The following KDM2B variants were observed in gnomAD, a reference collection of about 807,000 sequenced individuals.
The protein encoded by KDM2B is lysine-specific demethylase 2B.
A neutral mutation model predicts 150.0 loss-of-function variants in KDM2B; 26 were observed. The observed-to-expected ratio is 0.17, with a 90% CI of 0.13 to 0.24. The LOEUF (loss-of-function observed/expected upper bound fraction) is 0.24, where lower values mean the gene tolerates loss of function less well. KDM2B is among the 10% of genes least tolerant of loss of function. KDM2B has a pLI of 1.00. For missense variants in KDM2B, 1,265 were observed against 1,816.9 expected, an observed-to-expected ratio of 0.70 and a Z score of 5.52; for synonymous variants, 734 against 729.5, an observed-to-expected ratio of 1.01 and a Z score of -0.10.
intron 4 of KDM2B, among the ~76,000 whole-genome samples, chr12:121,556,495 A>G (rs1889910975): frequency 6.6e-6 from 1 of 152,146 alleles, no homozygotes; most frequent in African/African-American, 2.4e-5. Flanking sequence ...CCAGAAGCAG[A>G]TGCTGGCTCC....
At chr12:121,443,888 G>C in intron 16 of KDM2B, 95 bp from the exon 17 acceptor site, 1 of 1,416,296 alleles carries the variant, frequency 7.1e-7, no homozygotes, top group Non-Finnish European at 9.6e-7. Flanking sequence ...CCTGCTCAGG[G>C]CAGCAAGAGG....
At chr12:121,474,333 GA>G (rs1299366052) in intron 12 of KDM2B, among the ~76,000 whole-genome samples, 13 of 151,952 alleles carry the variant, frequency 8.6e-5, no homozygotes, top group East Asian at 1.9e-4. Context: ...TGAACACTGT[GA>G]AAACCCCGTC....
chr12:121,574,454 G>A (rs1297885372), intron 4 of KDM2B, 93 bp downstream of exon 4: 17 of 1,187,076 alleles, frequency 1.4e-5, no homozygotes, highest in Non-Finnish European at 2.0e-5. Flanking sequence ...TGTTTTGAGA[G>A]GCAGTTAAAA....
intron 12 of KDM2B, among the ~76,000 whole-genome samples, chr12:121,488,529 G>A (rs1273249366): frequency 6.6e-6 from 1 of 152,220 alleles, no homozygotes; most frequent in African/African-American, 2.4e-5. Flanking sequence ...GTGAAGGAAG[G>A]AGTCCACCCA....
chr12:121,532,542 C>T (rs2141505603), intron 8 of KDM2B, among the ~76,000 whole-genome samples: 1 of 152,344 alleles, frequency 6.6e-6, no homozygotes, highest in Admixed American at 6.5e-5. Flanking sequence ...CACAGGAAGT[C>T]CTGCACAGGG....
chr12:121,439,648 G>A (rs1555287635), intron 22 of KDM2B, among the ~76,000 whole-genome samples: 1 of 152,144 alleles, frequency 6.6e-6, no homozygotes, highest in African/African-American at 2.4e-5. Context: ...CCAACGTGCT[G>A]GGATTACGGG....
chr12:121,471,785 T>C (rs1430856331), intron 12 of KDM2B, among the ~76,000 whole-genome samples: 2 of 152,086 alleles, frequency 1.3e-5, no homozygotes, highest in African/African-American at 4.8e-5. Context: ...CCTTTTAATG[T>C]TGAGACCAAT....
At chr12:121,450,352 T>A (rs115196541) in intron 13 of KDM2B, among the ~76,000 whole-genome samples, 5,049 of 149,210 alleles carry the variant, frequency 0.034, 268 homozygotes, top group African/African-American at 0.11. Context: ...AAGAAAAAAG[T>A]AAATCAGTTT....
chr12:121,562,520 T>C (rs1890418205), intron 4 of KDM2B, among the ~76,000 whole-genome samples: 1 of 152,006 alleles, frequency 6.6e-6, no homozygotes, highest in South Asian at 2.1e-4. Flanking sequence ...CCAGCTTTGA[T>C]TTCCAAGGGG....
chr12:121,474,889 C>T (rs1244323747), intron 12 of KDM2B, among the ~76,000 whole-genome samples: 1 of 152,128 alleles, frequency 6.6e-6, no homozygotes, highest in East Asian at 1.9e-4. Context: ...GAGTTTGAGG[C>T]TGCATTGAGC....
intron 4 of KDM2B, among the ~76,000 whole-genome samples, chr12:121,558,718 G>C (rs1344281870): frequency 1.3e-5 from 2 of 152,060 alleles, no homozygotes; most frequent in Non-Finnish European, 2.9e-5. Context: ...GCCTCCCAAA[G>C]TGCTGGGATT....
intron 7 of KDM2B, 23 bp from the exon 8 acceptor site, chr12:121,532,982 C>G (rs782405641): frequency 6.2e-7 from 1 of 1,613,500 alleles, no homozygotes; most frequent in Non-Finnish European, 8.5e-7. Flanking sequence ...CACAGGCAGT[C>G]AGCTGGAGAC....
At chr12:121,570,549 C>T (rs782243249) in intron 4 of KDM2B, among the ~76,000 whole-genome samples, 1 of 152,148 alleles carries the variant, frequency 6.6e-6, no homozygotes, top group Non-Finnish European at 1.5e-5. Context: ...ACATCTGACA[C>T]ACTGGCCGGC....
chr12:121,416,563 A>G, the KDM2B span: 15 of 541,512 alleles, frequency 2.8e-5, no homozygotes, highest in Non-Finnish European at 4.9e-5. Flanking sequence ...AGTTTTATAG[A>G]CATTGTTTCT....
In KDM2B at chr12:121,516,824, T is replaced by C. The variant is rs375312419; in HGVS notation, c.1048-3422A>G. On this transcript the variant is annotated intron_variant, in intron 9 of 22. Transcript: ENST00000377071. ...TCTCAAGGACTTGAAAAAGTCAAAA[T>C]GTGAGAGTGGGTGGAAGTGTCCTAC... is the stretch of plus-strand genomic sequence containing the variant. 4.2e-4 allele frequency: 276 copies of C among 654,576 alleles called. 7 individuals carry two copies. The South Asian group carries it at 4.3e-3, about 10-fold the overall frequency. The allele number at this position is 654,576 out of a possible 1,614,324, so 40.5% of individuals were successfully genotyped here.
At chr12:121,502,911 C>T (rs1555302293) in intron 11 of KDM2B, among the ~76,000 whole-genome samples, 1 of 150,344 alleles carries the variant, frequency 6.7e-6, no homozygotes, top group Non-Finnish European at 1.5e-5. Flanking sequence ...GGTGACAGAG[C>T]AAAAGACTCC....
chr12:121,531,547 C>T (rs1555307804), intron 8 of KDM2B, among the ~76,000 whole-genome samples: 1 of 152,200 alleles, frequency 6.6e-6, no homozygotes, highest in African/African-American at 2.4e-5. Flanking sequence ...CTACTTTCTA[C>T]TTGTATGCCT....
chr12:121,513,974 G>A lies in KDM2B; in HGVS notation c.1048-572C>T, dbSNP rs1391847617. Among the ~76,000 whole-genome samples, 1 of 152,216 alleles carries A rather than the reference G, an allele frequency of 6.6e-6. No homozygotes were observed. Among genetic ancestry groups the A allele is most frequent in the Admixed American group, 6.5e-5 (1 of 15,290 alleles). Reference sequence around the variant, plus strand: ...GGCCTCGCCTACCTCCAGGGGTGGGGCCTTGAAGGGGTCCATCTCCTGCTC... The same window carrying A: ...GGCCTCGCCTACCTCCAGGGGTGGGACCTTGAAGGGGTCCATCTCCTGCTC... On this transcript the variant is annotated intron_variant, in intron 9 of 22. Transcript: ENST00000377071. The surrounding 1 kb of genome is among the most constrained non-coding windows in gnomAD (Gnocchi z 5.0).
chr12:121,580,324 G>T (rs1210287592), intron 1 of KDM2B: 3 of 1,091,518 alleles, frequency 2.7e-6, no homozygotes, highest in South Asian at 3.8e-5. Context: ...CGGAGCCCGC[G>T]GCCGGGCTAT....
Sources: gnomAD v4.1 joint callset for allele counts (sites outside exome capture counted in the v4.1 genomes callset) on GRCh38, gnomAD v4.1.1 for gene constraint, Gnocchi (gnomAD v3.1) non-coding constraint, MANE v1.5 for transcripts, NCBI Gene and HGNC (gene_info 2026-07-23, HGNC 2026-07-21) for gene names.